PCDHGA1: variants seen among roughly 807,000 people sequenced by gnomAD.
PCDHGA1 encodes protocadherin gamma-A1.
In PCDHGA1, 32 loss-of-function variants were observed where a neutral mutation model predicts 58.0. That is an observed-to-expected ratio of 0.55 (90% confidence interval 0.42 to 0.74). PCDHGA1 has a LOEUF of 0.74. PCDHGA1 is among the 30% of genes least tolerant of loss of function. PCDHGA1 has a pLI of 0.00. For synonymous variants in PCDHGA1, 498 were observed against 501.1 expected (o/e 0.99, Z 0.08); for missense variants, 1,205 against 1,182.3 (o/e 1.02, Z -0.28).
intron 1 of PCDHGA1, chr5:141,338,756 A>G: frequency 2.4e-6 from 3 of 1,227,956 alleles, no homozygotes; most frequent in Non-Finnish European, 3.1e-6. Flanking sequence ...GCAGCGAGAC[A>G]TCCAATCCAG....
At chr5:141,367,962 C>T (rs766516338) in intron 1 of PCDHGA1, among the ~76,000 whole-genome samples, 3 of 152,076 alleles carry the variant, frequency 2.0e-5, no homozygotes, top group Admixed American at 1.3e-4. Context: ...TCATATCTAA[C>T]GTATGTGCTC....
intron 1 of PCDHGA1, chr5:141,389,997 A>G (rs1278035747): frequency 3.1e-6 from 5 of 1,613,844 alleles, no homozygotes; most frequent in South Asian, 2.2e-5. Flanking sequence ...CCTCGTGGCC[A>G]TGATTCTGGC....
intron 1 of PCDHGA1, chr5:141,374,640 C>G: frequency 6.2e-7 from 1 of 1,612,778 alleles, no homozygotes; most frequent in African/African-American, 1.3e-5. Flanking sequence ...CAAAGCGAAG[C>G]CCATGGGCCC....
intron 1 of PCDHGA1, chr5:141,420,165 C>T: frequency 6.2e-7 from 1 of 1,614,022 alleles, no homozygotes; most frequent in South Asian, 1.1e-5. Flanking sequence ...AATTTTTTCA[C>T]ATCTGTTGAT....
rs766050828 is a variant in PCDHGA1, at chr5:141,394,215, G to A, written c.2421+61110G>A. The A allele has an allele frequency of 1.9e-6, 3 of 1,613,902 alleles. No individual in the cohort carries two copies. The South Asian group carries it at 3.3e-5, about 18-fold the overall frequency. ...GTATATCCTAGAGAACAACCTGAGA[G>A]GAGCCTCCATCTTTTCCTTGACTGC... is the stretch of plus-strand genomic sequence containing the variant. On this transcript the variant is annotated intron_variant, in intron 1 of 3. Transcript: ENST00000517417.
At chr5:141,461,178 G>A (rs2154567263) in intron 1 of PCDHGA1, among the ~76,000 whole-genome samples, 1 of 152,144 alleles carries the variant, frequency 6.6e-6, no homozygotes, top group East Asian at 1.9e-4. Context: ...TGGATTGAAT[G>A]GTAGATCTGT....
chr5:141,489,040 C>G lies in PCDHGA1; in HGVS notation c.2422-5767C>G. On this transcript the variant is annotated intron_variant, in intron 1 of 3. Coordinates refer to ENST00000517417, the MANE Select transcript of PCDHGA1 (RefSeq NM_018912.3). This position sits in a 1 kb window ranked among gnomAD's most constrained non-coding sequence, Gnocchi z 4.5. ...CCTCTCCTCCTCCAGCTCCCCAGCT[C>G]CACTCAAATTCAGCTCCCCTCCCCC... 1 of 479,752 alleles carries G rather than the reference C, an allele frequency of 2.1e-6. No homozygotes were observed. The highest frequency in any genetic ancestry group is 3.6e-6 in the Non-Finnish European group (1 of 274,204). 29.7% of individuals were successfully genotyped at this position (479,752 alleles called of 1,614,324 possible). A position where few individuals can be genotyped will look rare whatever the true frequency, so the allele number is the denominator to read the frequency against.
intron 1 of PCDHGA1, chr5:141,399,718 C>G (rs770212703): frequency 6.2e-7 from 1 of 1,613,308 alleles, no homozygotes; most frequent in Non-Finnish European, 8.5e-7. Context: ...ACTACAGGCC[C>G]GCGACCAGGG....
rs1756419859 is a variant in PCDHGA1, at chr5:141,332,652, C to G, written c.1968C>G (p.Ala656=). ...ACCACGGCCAGCCCCCGCTCTCCGC[C>G]ACTGTCACGCTCACCGTGGCCGTGG... ...VQDHGQPPLS[A]TVTLTVAVAD... The change falls in exon 1 of 4, where the codon GCC becomes GCG. Residue 656 remains alanine (A), a synonymous_variant. Coordinates refer to ENST00000517417, the MANE Select transcript of PCDHGA1 (RefSeq NM_018912.3). This position sits in a 1 kb window ranked among gnomAD's most constrained non-coding sequence, Gnocchi z 4.6. 6.2e-7 allele frequency: 1 copy of G among 1,613,142 alleles called. No individual in the cohort carries two copies. The highest frequency in any genetic ancestry group is 1.7e-5 in the Admixed American group (1 of 59,990).
intron 1 of PCDHGA1, chr5:141,384,779 G>A (rs1252058358): frequency 6.2e-6 from 10 of 1,613,592 alleles, no homozygotes; most frequent in East Asian, 2.2e-5. Context: ...GGCGAGGTGC[G>A]CACGGCTCGG....
At chr5:141,461,273 C>A (rs1301916233) in intron 1 of PCDHGA1, among the ~76,000 whole-genome samples, 1 of 152,128 alleles carries the variant, frequency 6.6e-6, no homozygotes, top group Admixed American at 6.6e-5. Flanking sequence ...TAAGTGTTCT[C>A]TTTTCCCCAC....
At chr5:141,343,597 T>C (rs1757299713) in intron 1 of PCDHGA1, among the ~76,000 whole-genome samples, 1 of 152,242 alleles carries the variant, frequency 6.6e-6, no homozygotes, top group African/African-American at 2.4e-5. Context: ...ATTGGTGGCA[T>C]TAAGGTTAGT....
At chr5:141,505,332 A>C in intron 2 of PCDHGA1, 61 bp from the exon 3 acceptor site, 1 of 1,610,872 alleles carries the variant, frequency 6.2e-7, no homozygotes, top group South Asian at 1.1e-5. Flanking sequence ...GGGAGAGGAC[A>C]GGAGGGGCAT....
rs779426857 is a variant in PCDHGA1, at chr5:141,360,094, G to C, written c.2421+26989G>C. The C allele has an allele frequency of 3.3e-6, 5 of 1,522,500 alleles. No homozygotes were observed. The African/African-American group carries it at 4.2e-5, about 13-fold the overall frequency. 94.3% of individuals were successfully genotyped at this position (1,522,500 alleles called of 1,614,324 possible). A position where few individuals can be genotyped will look rare whatever the true frequency, so the allele number is the denominator to read the frequency against. The stretch of plus-strand genomic sequence containing the variant: ...GCCCGGATTCTGCCATCCCCGGAAG[G>C]CTTATTCCTCCTATGGGCAAAGGAG... On this transcript the variant is annotated intron_variant, in intron 1 of 3. Transcript: ENST00000517417.
intron 1 of PCDHGA1, chr5:141,361,840 C>A (rs138456654): frequency 0.025 from 40,619 of 1,612,726 alleles, 619 homozygotes; most frequent in African/African-American, 0.058. Flanking sequence ...CGCGCTGGGG[C>A]CTGATGGCTC....
Position 141,388,164 on chromosome 5 carries a change from G to A in PCDHGA1, c.2421+55059G>A, listed in dbSNP as rs372819071. 487 of 1,478,548 alleles carry A rather than the reference G, an allele frequency of 3.3e-4. No homozygotes were observed. The highest frequency in any genetic ancestry group is 4.3e-4 in the Non-Finnish European group (458 of 1,069,378). 91.6% of individuals were successfully genotyped at this position (1,478,548 alleles called of 1,614,324 possible). A position where few individuals can be genotyped will look rare whatever the true frequency, so the allele number is the denominator to read the frequency against. On this transcript the variant is annotated intron_variant, in intron 1 of 3. Coordinates refer to ENST00000517417, the MANE Select transcript of PCDHGA1 (RefSeq NM_018912.3). ...TGTGAGCAGCAGGCTAGACAGGGAG[G>A]AGATATGCGGGAAGAAGCCAGCTTG...
At chr5:141,413,181 C>T in intron 1 of PCDHGA1, 8 of 1,602,880 alleles carry the variant, frequency 5.0e-6, no homozygotes, top group Non-Finnish European at 6.8e-6. Context: ...CTACAATGGC[C>T]GCTCAAAGGA....
At position 141,372,595 on chromosome 5, in the gene PCDHGA1, A is replaced by G; in HGVS notation, c.2421+39490A>G. The G allele has an allele frequency of 6.2e-7, 1 of 1,614,012 alleles. No individual in the cohort carries two copies. Among genetic ancestry groups the G allele is most frequent in the Non-Finnish European group, 8.5e-7 (1 of 1,179,882 alleles). On this transcript the variant is annotated intron_variant, in intron 1 of 3. Coordinates refer to ENST00000517417, the MANE Select transcript of PCDHGA1 (RefSeq NM_018912.3). ...TACTTTCAGCCTGGTGTCTGCTTCA[A>G]GACTGTACCTGGAGTTCTCCCCACC... is the stretch of plus-strand genomic sequence containing the variant.
chr5:141,383,112 G>A (rs1167934535), intron 1 of PCDHGA1: 7 of 1,614,042 alleles, frequency 4.3e-6, no homozygotes, highest in East Asian at 2.2e-5. Context: ...CCAGAGGTAG[G>A]ACGCAGCTTT....
Sources: gnomAD v4.1 joint callset for allele counts (sites outside exome capture counted in the v4.1 genomes callset) on GRCh38, gnomAD v4.1.1 for gene constraint, Gnocchi (gnomAD v3.1) non-coding constraint, MANE v1.5 for transcripts, NCBI Gene and HGNC (gene_info 2026-07-23, HGNC 2026-07-21) for gene names.